The following SDC4 variants were observed in gnomAD, a reference collection of about 807,000 sequenced individuals.
SDC4 encodes syndecan 4, also known as syndecan-4.
SDC4 carries 17 observed loss-of-function variants against 20.5 expected under a neutral mutation model. The observed-to-expected ratio is 0.83, with a 90% CI of 0.57 to 1.25. SDC4 has a LOEUF of 1.25. Among genes scored for constraint, SDC4 ranks in the 50% most tolerant of loss-of-function variants. SDC4 has a pLI of 0.00. For missense variants in SDC4, 241 were observed against 252.3 expected (o/e 0.96, Z 0.30); for synonymous variants, 107 against 105.3 (o/e 1.02, Z -0.10).
At chr20:45,345,051 G>A (rs922116485) in intron 1 of SDC4, 2 of 152,088 alleles carry the variant, frequency 1.3e-5, no homozygotes, top group African/African-American at 4.8e-5. Flanking sequence ...TAGAGAAAAT[G>A]GTACCTCGCA....
chr20:45,348,229 C>CCT lies in SDC4; in HGVS notation c.60+95_60+96insAG. ...TGTCCGGTTGGGGGTAGCGTACCCC[C>CCT]GATCTGCCCCCCCCCATCCCACGCT... is the stretch of plus-strand genomic sequence containing the variant. On this transcript the variant is annotated intron_variant, in intron 1 of 4. Coordinates refer to ENST00000372733, the MANE Select transcript of SDC4 (RefSeq NM_002999.4). 2 of 989,856 alleles carry CCT rather than the reference C, an allele frequency of 2.0e-6. 1 individual carries two copies. Among genetic ancestry groups the CCT allele is most frequent in the Non-Finnish European group, 3.0e-6 (2 of 666,000 alleles). The allele number at this position is 989,856 out of a possible 1,614,324, so 61.3% of individuals were successfully genotyped here. A position where few individuals can be genotyped will look rare whatever the true frequency, so the allele number is the denominator to read the frequency against.
intron 4 of SDC4, among the ~76,000 whole-genome samples, chr20:45,328,119 C>A (rs1225068636): frequency 1.3e-5 from 2 of 152,212 alleles, no homozygotes; most frequent in Non-Finnish European, 2.9e-5. Flanking sequence ...CTCTAGCTCT[C>A]CCTGTGTGCA....
At chr20:45,337,136 T>TG (rs1485957881) in intron 1 of SDC4, among the ~76,000 whole-genome samples, 1 of 151,690 alleles carries the variant, frequency 6.6e-6, no homozygotes, top group Non-Finnish European at 1.5e-5. Flanking sequence ...CTCCACCGAG[T>TG]GGGAACAATG....
chr20:45,348,010 G>C (rs984534117), intron 1 of SDC4, among the ~76,000 whole-genome samples: 25 of 152,128 alleles, frequency 1.6e-4, no homozygotes, highest in African/African-American at 5.8e-4. Context: ...AGGGTCACCA[G>C]GGAAGGGACG....
At chr20:45,336,889 A>G (rs993858664) in intron 1 of SDC4, among the ~76,000 whole-genome samples, 8 of 151,394 alleles carry the variant, frequency 5.3e-5, no homozygotes, top group African/African-American at 1.9e-4. Context: ...CCTTCCAAAC[A>G]TCTCCCACAG....
chr20:45,342,573 T>G (rs2145716671), intron 1 of SDC4, among the ~76,000 whole-genome samples: 1 of 151,418 alleles, frequency 6.6e-6, no homozygotes, highest in East Asian at 1.9e-4. Flanking sequence ...GCAGCCGAGC[T>G]CCCGGGCCTG....
At chr20:45,331,077 C>T (rs1987770361) in intron 3 of SDC4, among the ~76,000 whole-genome samples, 1 of 152,200 alleles carries the variant, frequency 6.6e-6, no homozygotes, top group Non-Finnish European at 1.5e-5. Context: ...GTGCAAGATC[C>T]AAGAACCCTC....
At chr20:45,331,780 G>T (rs6104120) in intron 3 of SDC4, among the ~76,000 whole-genome samples, 114 of 151,866 alleles carry the variant, frequency 7.5e-4, no homozygotes, top group South Asian at 1.5e-3. Flanking sequence ...AAGGGGAGGA[G>T]CCCCTAGTTC....
rs1466990314 is a variant in SDC4 at position 45,348,391 on chromosome 20, G to T, written c.-7C>A. 1.3e-6 allele frequency: 2 copies of T among 1,567,018 alleles called. No individual in the cohort carries two copies. ...ACAGACGGGCGGGGGCCATGGCACC[G>T]CGGACTGGAGAAGGCGCGCAGGCTG... On this transcript the variant is annotated 5_prime_UTR_variant, in exon 1 of 5. Coordinates refer to ENST00000372733, the MANE Select transcript of SDC4 (RefSeq NM_002999.4).
At chr20:45,335,995 A>T in intron 1 of SDC4, 75 bp from the exon 2 acceptor site, 1 of 1,518,256 alleles carries the variant, frequency 6.6e-7, no homozygotes, top group Non-Finnish European at 9.0e-7. Context: ...AAGCTAGTGA[A>T]GTGGGCATTC....
intron 3 of SDC4, among the ~76,000 whole-genome samples, chr20:45,331,975 A>G (rs933535937): frequency 1.1e-4 from 16 of 152,258 alleles, no homozygotes; most frequent in African/African-American, 3.9e-4. Flanking sequence ...AAAAATAAAA[A>G]AGATGTTTGC....
rs1600726939 is a variant in SDC4, at chr20:45,326,205, T to C, written c.*1059A>G. On this transcript the variant is annotated 3_prime_UTR_variant, in exon 5 of 5. Transcript: ENST00000372733. ...ATCCCCTTCATTATATTTTGGGATC[T>C]GCTAAAAAAAAACTATGTTTCGGCA... 1 of 151,872 alleles carries C rather than the reference T, an allele frequency of 6.6e-6. No homozygotes were observed. 9.4% of individuals were successfully genotyped at this position (151,872 alleles called of 1,614,324 possible). A position where few individuals can be genotyped will look rare whatever the true frequency, so the allele number is the denominator to read the frequency against.
intron 1 of SDC4, among the ~76,000 whole-genome samples, chr20:45,339,880 G>A (rs980930918): frequency 5.9e-5 from 9 of 152,208 alleles, no homozygotes; most frequent in Admixed American, 3.3e-4. Flanking sequence ...GAAGGGAGGG[G>A]AAGTGCTCTT....
At chr20:45,338,273 AC>A (rs889262475) in intron 1 of SDC4, among the ~76,000 whole-genome samples, 2 of 152,230 alleles carry the variant, frequency 1.3e-5, no homozygotes, top group Non-Finnish European at 2.9e-5. Flanking sequence ...ACTGACCTGG[AC>A]ATTTAACCAC....
chr20:45,346,294 CCA>C (rs1361575894), intron 1 of SDC4, among the ~76,000 whole-genome samples: 3 of 152,190 alleles, frequency 2.0e-5, no homozygotes, highest in African/African-American at 7.2e-5. Flanking sequence ...GCCCTGTGCC[CCA>C]GTTACAGGCA....
intron 1 of SDC4, among the ~76,000 whole-genome samples, chr20:45,339,170 G>T (rs1044494776): frequency 2.0e-5 from 3 of 152,208 alleles, no homozygotes; most frequent in Non-Finnish European, 2.9e-5. Flanking sequence ...TTGTGTAAAG[G>T]TTGGGAAGGC....
intron 1 of SDC4, among the ~76,000 whole-genome samples, chr20:45,347,158 C>G (rs1397588451): frequency 6.6e-6 from 1 of 152,122 alleles, no homozygotes; most frequent in Non-Finnish European, 1.5e-5. Flanking sequence ...GGAAGTATTG[C>G]CTAGGGTCTC....
At chr20:45,343,871 ACACCGGTAT>A (rs1987992015) in intron 1 of SDC4, among the ~76,000 whole-genome samples, 1 of 152,204 alleles carries the variant, frequency 6.6e-6, no homozygotes, top group Non-Finnish European at 1.5e-5. Flanking sequence ...AAGCTTCGCC[ACACCGGTAT>A]CATGATCTTC....
chr20:45,342,429 AGGCCTGGCCACTGACTGCTG>A (rs1045929634), intron 1 of SDC4, among the ~76,000 whole-genome samples: 1 of 152,164 alleles, frequency 6.6e-6, no homozygotes, highest in African/African-American at 2.4e-5. Flanking sequence ...CAGTCCCCGC[AGGCCTGGCCACTGACTGCTG>A]GGCTTCACCA....
Sources: allele counts gnomAD v4.1 joint callset (sites outside exome capture counted in the v4.1 genomes callset), GRCh38; gene constraint gnomAD v4.1.1; transcripts MANE v1.5; gene names NCBI Gene and HGNC (gene_info 2026-07-23, HGNC 2026-07-21).